Variants in ESRRB observed in about 807,000 individuals in gnomAD.
ESRRB encodes steroid hormone receptor ERR2.
In ESRRB, 16 loss-of-function variants were observed where a neutral mutation model predicts 46.0. The ratio of observed to expected loss-of-function variants is 0.35; its 90% confidence interval spans 0.24 to 0.53. ESRRB has a LOEUF of 0.53. Among genes scored for constraint, ESRRB ranks in the 20% least tolerant of loss-of-function variants. ESRRB has a pLI of 0.93. For missense variants in ESRRB, 488 were observed against 607.4 expected, an observed-to-expected ratio of 0.80 and a Z score of 2.07; for synonymous variants, 246 against 259.6, an observed-to-expected ratio of 0.95 and a Z score of 0.50.
rs774939088 is a variant in ESRRB at position 76,482,102 on chromosome 14, A to G, written c.664A>G (p.Ile222Val). 6.2e-7 allele frequency: 1 copy of G among 1,614,070 alleles called. No homozygotes were observed. The highest frequency in any genetic ancestry group is 8.5e-7 in the Non-Finnish European group (1 of 1,179,990). ...SESSPYLSLQ[I>V]SPPAKKPLTK... is the part of the protein sequence containing the mutation. ...GAGCAGCCCATACCTGAGCTTACAA[A>G]TTTCTCCACCTGCTAAAAAGCCATG... Residue 222 changes from isoleucine (I) to valine (V), a missense_variant, in exon 4 of 7, where the codon ATT (isoleucine) becomes GTT (valine). By Grantham distance (29) the Ile-to-Val change is conservative (BLOSUM62 3). Coordinates refer to ENST00000644823, the MANE Select transcript of ESRRB (RefSeq NM_001379180.1). The surrounding 1 kb of genome is among the most constrained non-coding windows in gnomAD (Gnocchi z 4.3).
chr14:76,458,538 C>T lies in ESRRB; in HGVS notation c.461-4007C>T, dbSNP rs117681019. ...AGCCTGGTTGGGGACTTGCTGTTAG[C>T]ACTTGGTCCTCTTGTCCTGGGAGAG... On this transcript the variant is annotated intron_variant, in intron 2 of 6. Coordinates refer to ENST00000644823, the MANE Select transcript of ESRRB (RefSeq NM_001379180.1). Among the ~76,000 whole-genome samples the T allele has an allele frequency of 9.3e-3, 1,415 of 152,048 alleles. 12 individuals carry two copies. The highest frequency in any genetic ancestry group is 0.017 in the Middle Eastern group (5 of 294).
intron 1 of ESRRB, among the ~76,000 whole-genome samples, chr14:76,391,285 C>A (rs1885459714): frequency 6.6e-6 from 1 of 152,186 alleles, no homozygotes; most frequent in Non-Finnish European, 1.5e-5. Flanking sequence ...CCAACCCAGG[C>A]CCCTGGAATG....
At chr14:76,349,704 T>C (rs1227966492) in intron 1 of ESRRB, among the ~76,000 whole-genome samples, 1 of 152,158 alleles carries the variant, frequency 6.6e-6, no homozygotes, top group Non-Finnish European at 1.5e-5. Flanking sequence ...GTAAATTCCG[T>C]AGAGGCAGGT....
intron 1 of ESRRB, among the ~76,000 whole-genome samples, chr14:76,337,607 A>G (rs1884142989): frequency 6.6e-6 from 1 of 152,196 alleles, no homozygotes; most frequent in Non-Finnish European, 1.5e-5. Flanking sequence ...CTGAAGCTTC[A>G]TCAGCAAGCT....
At chr14:76,390,108 G>T (rs1885406171) in intron 1 of ESRRB, among the ~76,000 whole-genome samples, 1 of 152,150 alleles carries the variant, frequency 6.6e-6, no homozygotes, top group Non-Finnish European at 1.5e-5. Context: ...CCAGCTCTGT[G>T]ACCCCAGATA....
Position 76,482,438 on chromosome 14 carries a change from C to G in ESRRB, c.689-160C>G, listed in dbSNP as rs1248430457. Among the ~76,000 whole-genome samples, 1 of 152,188 alleles carries G rather than the reference C, an allele frequency of 6.6e-6. No homozygotes were observed. Among genetic ancestry groups the G allele is most frequent in the African/African-American group, 2.4e-5 (1 of 41,440 alleles). On this transcript the variant is annotated intron_variant, in intron 4 of 6. Coordinates refer to ENST00000644823, the MANE Select transcript of ESRRB (RefSeq NM_001379180.1). The surrounding 1 kb of genome is among the most constrained non-coding windows in gnomAD (Gnocchi z 4.3). The stretch of plus-strand genomic sequence containing the variant: ...TCTCAACAGCCCAGATCACCACTAC[C>G]AGCAACTTCATGGAGCCAGAACAGG...
At chr14:76,327,813 C>T (rs1383191834) in intron 1 of ESRRB, among the ~76,000 whole-genome samples, 2 of 152,222 alleles carry the variant, frequency 1.3e-5, no homozygotes, top group African/African-American at 4.8e-5. Flanking sequence ...AAGCAATTCT[C>T]CTGTCTCAGC....
chr14:76,340,215 G>A (rs1055576726), intron 1 of ESRRB, among the ~76,000 whole-genome samples: 1 of 152,180 alleles, frequency 6.6e-6, no homozygotes, highest in African/African-American at 2.4e-5. Flanking sequence ...CTATGCCCAG[G>A]GGCTGGGGAT....
intron 3 of ESRRB, among the ~76,000 whole-genome samples, chr14:76,474,198 G>A (rs1889482857): frequency 6.6e-6 from 1 of 152,218 alleles, no homozygotes; most frequent in Admixed American, 6.5e-5. Flanking sequence ...AGTTACAACT[G>A]TGGGGATGTG....
chr14:76,493,937 C>T (rs1455028152), intron 6 of ESRRB, among the ~76,000 whole-genome samples: 1 of 152,214 alleles, frequency 6.6e-6, no homozygotes, highest in Non-Finnish European at 1.5e-5. Flanking sequence ...CACATGGGTA[C>T]AAAAGTTCGG....
intron 6 of ESRRB, among the ~76,000 whole-genome samples, chr14:76,494,976 C>T (rs1209384050): frequency 1.3e-5 from 2 of 152,342 alleles, no homozygotes; most frequent in African/African-American, 4.8e-5. Context: ...GACCACACCA[C>T]ACCAGCTTTC....
At chr14:76,365,518 A>G (rs910297534) in intron 1 of ESRRB, among the ~76,000 whole-genome samples, 1 of 152,142 alleles carries the variant, frequency 6.6e-6, no homozygotes, top group East Asian at 1.9e-4. Context: ...CCCCCCACTG[A>G]ATCTATTGTT....
chr14:76,493,952 G>A (rs529805414), intron 6 of ESRRB, among the ~76,000 whole-genome samples: 1 of 152,340 alleles, frequency 6.6e-6, no homozygotes, highest in Non-Finnish European at 1.5e-5. Context: ...GTTCGGATCA[G>A]AGCCCTGCAT....
chr14:76,410,774 C>T (rs1041555239), intron 1 of ESRRB, among the ~76,000 whole-genome samples: 31 of 151,796 alleles, frequency 2.0e-4, no homozygotes, highest in African/African-American at 7.3e-4. Context: ...CTCTTTTCTT[C>T]TTATTTTTTT....
intron 1 of ESRRB, among the ~76,000 whole-genome samples, chr14:76,385,878 G>A (rs985124763): frequency 1.3e-5 from 2 of 152,128 alleles, no homozygotes; most frequent in African/African-American, 4.8e-5. Context: ...GAAATTAGAT[G>A]TGTAGATTCT....
At chr14:76,489,974 C>T (rs1287214863) in intron 5 of ESRRB, among the ~76,000 whole-genome samples, 4 of 152,330 alleles carry the variant, frequency 2.6e-5, no homozygotes, top group South Asian at 2.1e-4. Context: ...CTGATGGCGC[C>T]GGGAGAGGTG....
intron 1 of ESRRB, among the ~76,000 whole-genome samples, chr14:76,427,568 G>T (rs1252272880): frequency 6.6e-6 from 1 of 152,178 alleles, no homozygotes; most frequent in Non-Finnish European, 1.5e-5. Context: ...AAGATGCATG[G>T]ATGGATGAAT....
chr14:76,437,899 G>T (rs576761735), intron 1 of ESRRB, among the ~76,000 whole-genome samples: 1 of 152,294 alleles, frequency 6.6e-6, no homozygotes, highest in African/African-American at 2.4e-5. Flanking sequence ...GGGTGGAGGG[G>T]CTTGGTTTAC....
Position 76,345,945 on chromosome 14 carries a change from G to T in ESRRB, c.2+35029G>T, listed in dbSNP as rs1192863536. On this transcript the variant is annotated intron_variant, in intron 1 of 6. Transcript: ENST00000512784. ...CCAGGTAGCTTCAAACAACAGAAAT[G>T]GATTCTTTTGCAGTTCTGGAGGCCA... Among the ~76,000 whole-genome samples the T allele has an allele frequency of 3.3e-5, 5 of 152,216 alleles. No homozygotes were observed. The East Asian group carries it at 9.6e-4, about 29-fold the overall frequency.
Sources: gnomAD v4.1 joint callset for allele counts (sites outside exome capture counted in the v4.1 genomes callset) on GRCh38, gnomAD v4.1.1 for gene constraint, Gnocchi (gnomAD v3.1) non-coding constraint, MANE v1.5 for transcripts, NCBI Gene and HGNC (gene_info 2026-07-23, HGNC 2026-07-21) for gene names.